Variants in GART observed in about 807,000 individuals in gnomAD.
GART encodes the protein phosphoribosylglycinamide formyltransferase, phosphoribosylglycinamide synthetase, phosphoribosylaminoimidazole synthetase, also known as trifunctional purine biosynthetic protein adenosine-3.
In GART, 43 loss-of-function variants were observed where a neutral mutation model predicts 107.2. The ratio of observed to expected loss-of-function variants is 0.40; its 90% CI spans 0.31 to 0.52. The LOEUF is 0.52. Among genes scored for constraint, GART ranks in the 20% least tolerant of loss-of-function variants. The pLI, the probability that GART is intolerant of heterozygous loss-of-function variation, is 0.52. For synonymous variants in GART, 434 were observed against 427.0 expected, an observed-to-expected ratio of 1.02 and a Z score of -0.20; for missense variants, 1,107 against 1,206.5, an observed-to-expected ratio of 0.92 and a Z score of 1.22.
chr21:33,515,442 C>A (rs375085347), intron 16 of GART, among the ~76,000 whole-genome samples: 2 of 151,932 alleles, frequency 1.3e-5, no homozygotes, highest in African/African-American at 2.4e-5. Flanking sequence ...GAGATTGAGA[C>A]CATCCTGGCC....
intron 11 of GART, chr21:33,524,292 A>G (rs2085026971): frequency 1.0e-6 from 1 of 984,636 alleles, no homozygotes; most frequent in Non-Finnish European, 1.2e-6. Context: ...GCTCATGCCT[A>G]TAATCCCAGC....
intron 11 of GART, among the ~76,000 whole-genome samples, chr21:33,522,677 T>C (rs1350230758): frequency 6.6e-6 from 1 of 152,242 alleles, no homozygotes; most frequent in African/African-American, 2.4e-5. Flanking sequence ...AACAGTTCAA[T>C]AGTATTGAAT....
chr21:33,512,039 A>G (rs1473301245), intron 16 of GART, among the ~76,000 whole-genome samples: 2 of 152,012 alleles, frequency 1.3e-5, no homozygotes, highest in Non-Finnish European at 2.9e-5. Context: ...TAATCCCAAC[A>G]CTTTGAGAGG....
At chr21:33,523,893 G>C in intron 11 of GART, 1 of 464,220 alleles carries the variant, frequency 2.2e-6, no homozygotes, top group Non-Finnish European at 2.8e-6. Context: ...CTTGAACCCG[G>C]GAGGTGGAGG....
rs1301526738 is a variant in GART at position 33,524,988 on chromosome 21, G to A, written c.1079C>T (p.Ala360Val). The change falls in exon 11 of 22, where the codon GCT becomes GTT. Residue 360 changes from alanine to valine, a missense_variant. Coordinates refer to ENST00000381815, the MANE Select transcript of GART (RefSeq NM_000819.5). Reference protein sequence around the residue: ...KGVEITGFPEAQALGLEVFHA... With the variant: ...KGVEITGFPEVQALGLEVFHA... ...GAACACCTCCAGTCCTAGAGCTTGA[G>A]CCTCAGGAAACCCTAGAAGAGAGCA... The A allele has an allele frequency of 1.2e-6, 2 of 1,614,008 alleles. No homozygotes were observed. Among genetic ancestry groups the A allele is most frequent in the South Asian group, 1.1e-5 (1 of 91,086 alleles).
chr21:33,513,097 G>C (rs952717845), intron 16 of GART, among the ~76,000 whole-genome samples: 2 of 105,708 alleles, frequency 1.9e-5, no homozygotes, highest in Non-Finnish European at 1.9e-5. Flanking sequence ...GTGTGTGTGT[G>C]TGTGTCTCTG....
At chr21:33,523,508 G>A (rs1230772724) in intron 11 of GART, among the ~76,000 whole-genome samples, 1 of 151,914 alleles carries the variant, frequency 6.6e-6, no homozygotes, top group Non-Finnish European at 1.5e-5. Context: ...TTTTTAGCCT[G>A]GTATTTTGAT....
intron 18 of GART, among the ~76,000 whole-genome samples, 187 bp from the exon 19 acceptor site, chr21:33,506,291 C>T (rs1227024460): frequency 1.3e-5 from 2 of 151,970 alleles, no homozygotes; most frequent in Non-Finnish European, 2.9e-5. Context: ...TTACAGGAGC[C>T]CACCACCACA....
chr21:33,539,459 G>C (rs916520472), intron 1 of GART, 103 bp from the exon 2 acceptor site: 2 of 717,566 alleles, frequency 2.8e-6, no homozygotes, highest in Non-Finnish European at 4.3e-6. Flanking sequence ...TTGGGAGGCC[G>C]AGGCAGGTGG....
At chr21:33,519,355 C>T (rs1207112148) in intron 14 of GART, among the ~76,000 whole-genome samples, 4 of 152,090 alleles carry the variant, frequency 2.6e-5, no homozygotes, top group African/African-American at 9.7e-5. Context: ...AGATTGAGAC[C>T]ATCCTGGCTA....
intron 2 of GART, among the ~76,000 whole-genome samples, chr21:33,536,371 C>G (rs1028910759): frequency 7.9e-5 from 12 of 152,188 alleles, no homozygotes; most frequent in Non-Finnish European, 1.8e-4. Flanking sequence ...TAGGGGCTCT[C>G]CTGCTTCACT....
chr21:33,535,499 T>C (rs2085288146), intron 2 of GART, among the ~76,000 whole-genome samples, 179 bp from the exon 3 acceptor site: 2 of 152,162 alleles, frequency 1.3e-5, no homozygotes, highest in Non-Finnish European at 1.5e-5. Context: ...GAGAGTGCAT[T>C]AGGCTAACCA....
At position 33,517,026 on chromosome 21, in the gene GART, G is replaced by T. The variant is rs1569017211; in HGVS notation, c.2070C>A (p.Ile690=). 2 of 1,613,320 alleles carry T rather than the reference G, an allele frequency of 1.2e-6. No homozygotes were observed. Among genetic ancestry groups the T allele is most frequent in the Non-Finnish European group, 1.7e-6 (2 of 1,179,788 alleles). The change falls in exon 16 of 22, where the codon ATC becomes ATA. Residue 690 remains isoleucine, a synonymous_variant. Transcript: ENST00000381815. ...CAAGTTTCTCAGGGAGGACTCTGGG[G>T]ATGTTCTCTAGTAATCCTCCACCAG... is the stretch of plus-strand genomic sequence containing the variant. ...HITGGGLLEN[I]PRVLPEKLGV...
chr21:33,504,064 C>A lies in GART; in HGVS notation c.*60G>T, dbSNP rs760115351. On this transcript the variant is annotated 3_prime_UTR_variant, in exon 22 of 22. Transcript: ENST00000381815. ...TTTGGGCCAAGTCCATGATAAAAAA[C>A]CACCATGCAAACAGCAAATAATTCT... 250 of 1,467,750 alleles carry A rather than the reference C, an allele frequency of 1.7e-4. No homozygotes were observed. Among genetic ancestry groups the A allele is most frequent in the Non-Finnish European group, 2.2e-4 (245 of 1,091,298 alleles). The allele number at this position is 1,467,750 out of a possible 1,614,324, so 90.9% of individuals were successfully genotyped here.
intron 2 of GART, among the ~76,000 whole-genome samples, chr21:33,537,605 G>A (rs947571576): frequency 1.3e-5 from 2 of 152,202 alleles, no homozygotes; most frequent in African/African-American, 4.8e-5. Context: ...AGAAACTGTA[G>A]GAGAGATATA....
At position 33,517,221 on chromosome 21, in the gene GART, C is replaced by T. The variant is rs1286671513; in HGVS notation, c.1955-80G>A. The T allele has an allele frequency of 2.6e-6, 4 of 1,557,886 alleles. No individual in the cohort carries two copies. The Admixed American group carries it at 5.6e-5, about 22-fold the overall frequency. The stretch of plus-strand genomic sequence containing the variant: ...ATAAAAATCAACCTGGAGAATGACA[C>T]CAGCTCTACAATAATGACCAAGTAG... On this transcript the variant is annotated intron_variant, in intron 15 of 21. Transcript: ENST00000381815.
rs778621157 is a variant in GART at position 33,522,264 on chromosome 21, T to C, written c.1317A>G (p.Glu439=). The C allele has an allele frequency of 1.9e-5, 30 of 1,613,436 alleles. 1 individual carries two copies. The East Asian group carries it at 6.0e-4, about 32-fold the overall frequency. Reference sequence around the variant, plus strand: ...TTCCAGCTGCGATATCTACTCCAGATTCCTTGTAAGTCAAACTCCTAAAGA... The same window carrying C: ...TTCCAGCTGCGATATCTACTCCAGACTCCTTGTAAGTCAAACTCCTAAAGA... ...LQQPRSLTYK[E]SGVDIAAGNM... Residue 439 remains glutamate (E), a synonymous_variant, in exon 12 of 22, where the codon GAA becomes GAG. Coordinates refer to ENST00000381815, the MANE Select transcript of GART (RefSeq NM_000819.5).
chr21:33,524,124 G>T, intron 11 of GART: 4 of 985,276 alleles, frequency 4.1e-6, no homozygotes, highest in Non-Finnish European at 4.8e-6. Context: ...GTGATAAAAT[G>T]AGACTGTCAA....
At chr21:33,540,155 G>A (rs1415598892) in intron 1 of GART, among the ~76,000 whole-genome samples, 7 of 152,138 alleles carry the variant, frequency 4.6e-5, no homozygotes, top group African/African-American at 1.7e-4. Context: ...CACCTTAGCA[G>A]GAAAGCAACC....
Sources: allele counts gnomAD v4.1 joint callset (sites outside exome capture counted in the v4.1 genomes callset), GRCh38; gene constraint gnomAD v4.1.1; transcripts MANE v1.5; gene names NCBI Gene and HGNC (gene_info 2026-07-23, HGNC 2026-07-21).